Variants in SHANK2 observed in about 807,000 individuals in gnomAD.
SHANK2 encodes SH3 and multiple ankyrin repeat domains 2.
In SHANK2, 43 loss-of-function variants were observed where a neutral mutation model predicts 133.7. The observed-to-expected ratio is 0.32, with a 90% CI of 0.25 to 0.41. The LOEUF is 0.41. Among genes scored for constraint, SHANK2 ranks in the 10% least tolerant of loss-of-function variants. SHANK2 has a pLI of 1.00. For synonymous variants in SHANK2, 1,017 were observed against 952.8 expected (o/e 1.07, Z -1.24); for missense variants, 1,994 against 2,235.8 (o/e 0.89, Z 2.18).
chr11:70,768,186 T>C (rs1451469214), intron 14 of SHANK2, among the ~76,000 whole-genome samples: 1 of 152,076 alleles, frequency 6.6e-6, no homozygotes, highest in Non-Finnish European at 1.5e-5. Context: ...GCAGTGTAGA[T>C]GTGAGTTCCC....
At chr11:70,638,435 C>T (rs1302583789) in intron 17 of SHANK2, among the ~76,000 whole-genome samples, 1 of 152,184 alleles carries the variant, frequency 6.6e-6, no homozygotes, top group Non-Finnish European at 1.5e-5. Context: ...GCAGGATGTG[C>T]TCGGCGCCCT....
chr11:70,848,079 C>T (rs1555064161), intron 11 of SHANK2, among the ~76,000 whole-genome samples: 1 of 152,204 alleles, frequency 6.6e-6, no homozygotes, highest in African/African-American at 2.4e-5. Flanking sequence ...CAAAAGGAGT[C>T]TGAGGTCCGC....
intron 2 of SHANK2, among the ~76,000 whole-genome samples, chr11:71,183,658 G>A (rs1953609115): frequency 6.6e-6 from 1 of 152,202 alleles, no homozygotes; most frequent in South Asian, 2.1e-4. Context: ...GCTGCTGTAA[G>A]GAGAGAGATG....
At chr11:70,912,186 C>T (rs868932136) in intron 10 of SHANK2, among the ~76,000 whole-genome samples, 1 of 150,746 alleles carries the variant, frequency 6.6e-6, no homozygotes, top group Non-Finnish European at 1.5e-5. Context: ...TGACACTTAC[C>T]ACGTGACCTT....
chr11:71,107,252 G>T (rs932313390), intron 6 of SHANK2, among the ~76,000 whole-genome samples: 9 of 152,174 alleles, frequency 5.9e-5, no homozygotes, highest in African/African-American at 1.7e-4. Flanking sequence ...AAGCACGCAG[G>T]CATTCTTCCC....
chr11:71,064,612 T>C (rs977863850), intron 9 of SHANK2, among the ~76,000 whole-genome samples: 2 of 151,012 alleles, frequency 1.3e-5, no homozygotes, highest in Non-Finnish European at 1.5e-5. Flanking sequence ...GGTGAATACA[T>C]AGTCCCAGGG....
chr11:70,645,291 C>A (rs1279574397), intron 17 of SHANK2, among the ~76,000 whole-genome samples: 1 of 152,112 alleles, frequency 6.6e-6, no homozygotes, highest in African/African-American at 2.4e-5. Flanking sequence ...CTTCATCCTG[C>A]TCAATGCCAG....
intron 6 of SHANK2, among the ~76,000 whole-genome samples, chr11:71,103,129 T>C (rs560479753): frequency 6.6e-6 from 1 of 152,260 alleles, no homozygotes; most frequent in East Asian, 1.9e-4. Flanking sequence ...TACCATCACC[T>C]AGGGGGTTAG....
At chr11:70,714,143 C>G (rs782280527) in intron 14 of SHANK2, among the ~76,000 whole-genome samples, 2 of 152,236 alleles carry the variant, frequency 1.3e-5, no homozygotes, top group East Asian at 3.9e-4. Flanking sequence ...CAAACCAAAC[C>G]TCCCCAGAGC....
chr11:70,851,885 C>A (rs1348867169), intron 11 of SHANK2, among the ~76,000 whole-genome samples: 1 of 152,132 alleles, frequency 6.6e-6, no homozygotes, highest in Non-Finnish European at 1.5e-5. Context: ...GCCTCCCGGC[C>A]CCCAGGCTGG....
chr11:70,525,451 G>A (rs1554971950), intron 17 of SHANK2, among the ~76,000 whole-genome samples: 1 of 151,870 alleles, frequency 6.6e-6, no homozygotes, highest in African/African-American at 2.4e-5. Flanking sequence ...CAGGCCCAGG[G>A]ATGGGCAGGG....
chr11:70,889,219 G>A (rs1555074177), intron 11 of SHANK2, among the ~76,000 whole-genome samples: 1 of 152,136 alleles, frequency 6.6e-6, no homozygotes, highest in African/African-American at 2.4e-5. Context: ...AAAGGAGTAG[G>A]ACCTCTGAGA....
intron 14 of SHANK2, among the ~76,000 whole-genome samples, chr11:70,792,657 G>T (rs1287874148): frequency 6.6e-6 from 1 of 152,210 alleles, no homozygotes; most frequent in Non-Finnish European, 1.5e-5. Context: ...CCATAAAAGA[G>T]AAACAGCTTC....
intron 16 of SHANK2, among the ~76,000 whole-genome samples, chr11:70,661,039 G>A (rs1282912980): frequency 1.3e-5 from 2 of 152,206 alleles, no homozygotes; most frequent in Non-Finnish European, 2.9e-5. Context: ...GCCACGTAAC[G>A]TGTGTGCTGC....
intron 17 of SHANK2, among the ~76,000 whole-genome samples, chr11:70,560,658 G>T (rs1184106031): frequency 6.6e-6 from 1 of 151,736 alleles, no homozygotes; most frequent in Non-Finnish European, 1.5e-5. Flanking sequence ...TTGAGACTGG[G>T]TCTTGCTCTG....
rs547800353 is a variant in SHANK2 at position 70,576,055 on chromosome 11, C to G, written c.2062-73124G>C. ...CCAGAGTGGAAATGTGTTCCCCCCT[C>G]TCCCCACAAGGAGAGCATTTCACGG... On this transcript the variant is annotated intron_variant, in intron 17 of 25. Coordinates refer to ENST00000601538, the MANE Select transcript of SHANK2 (RefSeq NM_012309.5). Among the ~76,000 whole-genome samples the G allele has an allele frequency of 2.6e-5, 4 of 152,202 alleles. No individual in the cohort carries two copies. In the East Asian group the frequency reaches 7.7e-4, roughly 29 times the overall value.
intron 2 of SHANK2, among the ~76,000 whole-genome samples, chr11:71,173,941 C>T (rs936688163): frequency 9.2e-5 from 14 of 152,164 alleles, no homozygotes; most frequent in African/African-American, 2.9e-4. Flanking sequence ...ACGGCCCTGC[C>T]GATGCCTTGA....
chr11:70,638,773 G>A (rs995553007), intron 17 of SHANK2, among the ~76,000 whole-genome samples: 1 of 152,112 alleles, frequency 6.6e-6, no homozygotes, highest in Non-Finnish European at 1.5e-5. Flanking sequence ...TTAGAAGGCC[G>A]AGGCGGGTGG....
intron 17 of SHANK2, among the ~76,000 whole-genome samples, chr11:70,610,458 C>T (rs373248801): frequency 5.3e-5 from 8 of 152,160 alleles, no homozygotes; most frequent in Non-Finnish European, 1.0e-4. Context: ...GCACATGACA[C>T]GCCTGTGCCC....
Sources: gnomAD v4.1 joint callset for allele counts (sites outside exome capture counted in the v4.1 genomes callset) on GRCh38, gnomAD v4.1.1 for gene constraint, MANE v1.5 for transcripts, NCBI Gene and HGNC (gene_info 2026-07-23, HGNC 2026-07-21) for gene names.